LY6S: variants seen among roughly 807,000 people sequenced by gnomAD.
The protein encoded by LY6S is lymphocyte antigen 6 family member S.
the LY6S span, chr8:143,044,582 G>T: frequency 9.6e-7 from 1 of 1,038,292 alleles, no homozygotes. Flanking sequence ...CCCCCAAAGT[G>T]CTGAGGGCTT....
At chr8:143,074,331 TGTATGTGGG>T in the LY6S span, among the ~76,000 whole-genome samples, 1 of 152,120 alleles carries the variant, frequency 6.6e-6, no homozygotes, top group Non-Finnish European at 1.5e-5. Flanking sequence ...TGTGCATGTG[TGTATGTGGG>T]TGTGTGTGTT....
At chr8:143,057,269 A>G in the LY6S span, 1 of 178,936 alleles carries the variant, frequency 5.6e-6, no homozygotes, top group Non-Finnish European at 1.1e-5. Flanking sequence ...TTTTTTTTTG[A>G]GGTGGAGTCT....
the LY6S span, among the ~76,000 whole-genome samples, chr8:143,050,263 C>T: frequency 6.7e-6 from 1 of 150,064 alleles, no homozygotes; most frequent in Non-Finnish European, 1.5e-5. Flanking sequence ...TCACTGCAAC[C>T]TTTGCCTCCC....
At chr8:143,066,230 G>T in the LY6S span, 35 of 218,074 alleles carry the variant, frequency 1.6e-4, 1 homozygote, top group South Asian at 1.9e-3. Flanking sequence ...GTGCAGAGGC[G>T]CAATCTCAGC....
chr8:143,059,087 C>T, the LY6S span, among the ~76,000 whole-genome samples: 15 of 152,318 alleles, frequency 9.8e-5, no homozygotes, highest in East Asian at 1.9e-4. Flanking sequence ...TATACTGGAA[C>T]GGCTCATGTC....
chr8:143,044,893 C>T, the LY6S span: 2 of 1,209,764 alleles, frequency 1.7e-6, no homozygotes, highest in East Asian at 5.8e-5. Flanking sequence ...GGCACCCACT[C>T]TCACCACCAC....
the LY6S span, among the ~76,000 whole-genome samples, chr8:143,071,761 C>G: frequency 1.3e-5 from 2 of 152,168 alleles, no homozygotes; most frequent in Non-Finnish European, 2.9e-5. Context: ...CTGTGAGGTT[C>G]CCGTCTACGC....
At chr8:143,056,653 A>G in the LY6S span, among the ~76,000 whole-genome samples, 78,086 of 151,856 alleles carry the variant, frequency 0.51, 22,722 homozygotes, top group Non-Finnish European at 0.63. Context: ...TTTGGAATGA[A>G]TCTATGCAAA....
At chr8:143,052,201 A>G in the LY6S span, among the ~76,000 whole-genome samples, 1 of 151,772 alleles carries the variant, frequency 6.6e-6, no homozygotes, top group Non-Finnish European at 1.5e-5. Context: ...GAATGGCGTG[A>G]ACCCGGGAGG....
chr8:143,041,784 G>T, the LY6S span, among the ~76,000 whole-genome samples: 1 of 152,074 alleles, frequency 6.6e-6, no homozygotes, highest in African/African-American at 2.4e-5. Context: ...CATGGCTTCA[G>T]CCGGTCCCTC....
At chr8:143,073,767 CGTCCCCGGGGTCCCTGTTTG>C in the LY6S span, among the ~76,000 whole-genome samples, 1 of 132,664 alleles carries the variant, frequency 7.5e-6, no homozygotes, top group Non-Finnish European at 1.6e-5. Context: ...AGACAGCCAT[CGTCCCCGGGGTCCCTGTTTG>C]AGGAGACAGC....
the LY6S span, among the ~76,000 whole-genome samples, chr8:143,060,268 C>T: frequency 3.9e-5 from 6 of 152,322 alleles, no homozygotes; most frequent in Admixed American, 3.9e-4. Context: ...GAAGACTCTG[C>T]TCCAGCACCT....
the LY6S span, chr8:143,044,569 C>T: frequency 5.3e-6 from 4 of 760,198 alleles, no homozygotes; most frequent in Middle Eastern, 4.2e-4. Flanking sequence ...AGCCACAGAC[C>T]GGCCCCCAAA....
chr8:143,048,416 C>T, the LY6S span, among the ~76,000 whole-genome samples: 1 of 151,998 alleles, frequency 6.6e-6, no homozygotes, highest in Non-Finnish European at 1.5e-5. Flanking sequence ...CGGCCGCCAC[C>T]TCGTGGCCAT....
At chr8:143,065,698 C>T in the LY6S span, among the ~76,000 whole-genome samples, 10 of 152,092 alleles carry the variant, frequency 6.6e-5, no homozygotes, top group Non-Finnish European at 1.5e-4. Flanking sequence ...CCATGCCGGG[C>T]GCAGGACTTG....
chr8:143,057,879 G>A, the LY6S span: 1 of 654,196 alleles, frequency 1.5e-6, no homozygotes, highest in South Asian at 1.6e-5. Context: ...TGCCATATGA[G>A]AGATTTCAAC....
the LY6S span, among the ~76,000 whole-genome samples, chr8:143,045,264 G>A: frequency 2.6e-5 from 4 of 152,022 alleles, no homozygotes; most frequent in Non-Finnish European, 5.9e-5. This position sits in a 1 kb window ranked among gnomAD's most constrained non-coding sequence, Gnocchi z 5.3. Flanking sequence ...TCCTCTAAAG[G>A]CCCCTCTGCT....
the LY6S span, among the ~76,000 whole-genome samples, chr8:143,063,840 C>A: frequency 6.6e-6 from 1 of 152,232 alleles, no homozygotes; most frequent in Non-Finnish European, 1.5e-5. Context: ...AACACCTGCA[C>A]CTGGTGAGGC....
the LY6S span, among the ~76,000 whole-genome samples, chr8:143,073,159 C>T: frequency 6.6e-6 from 1 of 150,678 alleles, no homozygotes; most frequent in African/African-American, 2.5e-5. Flanking sequence ...AGCCGTCGTC[C>T]CCGGGGTTCC....
Sources: gnomAD v4.1 joint callset for allele counts (sites outside exome capture counted in the v4.1 genomes callset) on GRCh38, gnomAD v4.1.1 for gene constraint, Gnocchi (gnomAD v3.1) non-coding constraint, MANE v1.5 for transcripts, NCBI Gene and HGNC (gene_info 2026-07-23, HGNC 2026-07-21) for gene names.